Variants in PTPRN2 observed in about 807,000 individuals in gnomAD.
The protein encoded by PTPRN2 is receptor-type tyrosine-protein phosphatase N2.
In PTPRN2, 74 loss-of-function variants were observed where a neutral mutation model predicts 118.8. That is an observed-to-expected ratio of 0.62 (90% CI 0.52 to 0.76). The LOEUF is 0.76. PTPRN2 is among the 30% of genes least tolerant of loss of function. The probability of loss-of-function intolerance (pLI) is 0.00; values close to 1 mark genes in which losing one functional copy is unlikely to be tolerated. For synonymous variants in PTPRN2, 641 were observed against 608.0 expected (o/e 1.05, Z -0.80); for missense variants, 1,481 against 1,394.4 (o/e 1.06, Z -0.99).
intron 12 of PTPRN2, chr7:157,862,629 T>C (rs897798918): frequency 1.2e-4 from 18 of 152,296 alleles, no homozygotes; most frequent in African/African-American, 4.1e-4. Context: ...GGTGCAGGCT[T>C]GGCTGGTCAA....
chr7:158,275,620 A>C (rs1430869899), intron 3 of PTPRN2, among the ~76,000 whole-genome samples: 3 of 152,248 alleles, frequency 2.0e-5, no homozygotes, highest in Non-Finnish European at 4.4e-5. Context: ...CACCACCATT[A>C]ATAATTTAAA....
chr7:158,019,350 T>G (rs900014760), intron 11 of PTPRN2, among the ~76,000 whole-genome samples: 1 of 152,254 alleles, frequency 6.6e-6, no homozygotes, highest in African/African-American at 2.4e-5. Context: ...AAATAGCACA[T>G]GGATAGGACA....
intron 9 of PTPRN2, among the ~76,000 whole-genome samples, chr7:158,131,383 C>T (rs1563480053): frequency 1.4e-4 from 3 of 22,064 alleles, no homozygotes; most frequent in African/African-American, 3.0e-4. Flanking sequence ...CACACACACT[C>T]ATACACACAC....
chr7:157,916,868 A>G (rs13223254), intron 11 of PTPRN2, among the ~76,000 whole-genome samples: 26 of 86,534 alleles, frequency 3.0e-4, no homozygotes, highest in South Asian at 1.6e-3. Flanking sequence ...TCCAACACAC[A>G]TCTCCCTCCC....
intron 2 of PTPRN2, among the ~76,000 whole-genome samples, chr7:158,333,852 AC>A (rs1805014566): frequency 8.2e-6 from 1 of 121,492 alleles, no homozygotes; most frequent in Non-Finnish European, 1.7e-5. Context: ...TAGAGCTGAC[AC>A]CCGCAGACGT....
intron 1 of PTPRN2, among the ~76,000 whole-genome samples, chr7:158,551,551 G>A (rs985412915): frequency 1.9e-4 from 26 of 138,414 alleles, no homozygotes; most frequent in African/African-American, 7.0e-4. Flanking sequence ...ATGCATTTGG[G>A]GGCCCCAGCT....
In PTPRN2 at chr7:158,169,417, AGTGTGTGTGTGTGT is replaced by A. The variant is rs375257745; in HGVS notation, c.550-2140_550-2127del. Among the ~76,000 whole-genome samples the A allele has an allele frequency of 4.6e-3, 622 of 136,630 alleles. 2 individuals carry two copies. The highest frequency in any genetic ancestry group is 7.3e-3 in the Non-Finnish European group (467 of 64,322). 89.6% of individuals were successfully genotyped at this position (136,630 alleles called of 152,430 possible). ...ACCACCATACCTGGCTGCTTTTGTG[AGTGTGTGTGTGTGT>A]GTGTGTGTGTGTGTGTGTGTGTGTG... is the stretch of plus-strand genomic sequence containing the variant. On this transcript the variant is annotated intron_variant, in intron 5 of 22. Transcript: ENST00000389418.
At chr7:158,443,423 G>A (rs998979853) in intron 2 of PTPRN2, among the ~76,000 whole-genome samples, 8 of 152,256 alleles carry the variant, frequency 5.3e-5, no homozygotes, top group Non-Finnish European at 8.8e-5. Context: ...GAGAACTGAC[G>A]AGACTGTTTC....
intron 6 of PTPRN2, among the ~76,000 whole-genome samples, chr7:158,142,654 GC>G (rs1441458827): frequency 6.6e-6 from 1 of 152,124 alleles, no homozygotes; most frequent in East Asian, 1.9e-4. Context: ...CCACACATCA[GC>G]CCTCACCATG....
chr7:157,987,376 G>T lies in PTPRN2; in HGVS notation c.1724-88639C>A, dbSNP rs994962950. On this transcript the variant is annotated intron_variant, in intron 11 of 22. Coordinates refer to ENST00000389418, the MANE Select transcript of PTPRN2 (RefSeq NM_002847.5). This position sits in a 1 kb window ranked among gnomAD's most constrained non-coding sequence, Gnocchi z 4.3. ...AGTCACTAGTGGGGGTGAGACAACC[G>T]GTCACTAACGGGGGCAATATGACCC... is the stretch of plus-strand genomic sequence containing the variant. Among the ~76,000 whole-genome samples, 1 of 151,472 alleles carries T rather than the reference G, an allele frequency of 6.6e-6. No individual in the cohort carries two copies. The highest frequency in any genetic ancestry group is 6.6e-5 in the Admixed American group (1 of 15,200).
intron 9 of PTPRN2, among the ~76,000 whole-genome samples, chr7:158,123,541 C>T (rs149531785): frequency 3.9e-5 from 6 of 152,254 alleles, no homozygotes; most frequent in East Asian, 1.9e-4. Context: ...CTTCCTCCTG[C>T]GGACCGCCAT....
intron 11 of PTPRN2, among the ~76,000 whole-genome samples, chr7:157,935,227 T>C (rs920096424): frequency 2.0e-5 from 3 of 152,224 alleles, no homozygotes; most frequent in African/African-American, 4.8e-5. Flanking sequence ...TTAATTCTTC[T>C]TTTTTTGTGT....
chr7:158,045,885 G>A (rs1319338043), intron 11 of PTPRN2, among the ~76,000 whole-genome samples: 3 of 146,982 alleles, frequency 2.0e-5, no homozygotes, highest in Non-Finnish European at 3.0e-5. Context: ...GTTCTGTCCA[G>A]GAGCAGAACC....
chr7:158,368,937 G>A (rs1809742090), intron 2 of PTPRN2, among the ~76,000 whole-genome samples: 1 of 152,206 alleles, frequency 6.6e-6, no homozygotes, highest in African/African-American at 2.4e-5. Flanking sequence ...TCCTGGGTGT[G>A]TCTGTGAGGG....
At position 158,183,851 on chromosome 7, in the gene PTPRN2, G is replaced by A. The variant is rs376741207; in HGVS notation, c.549+8476C>T. On this transcript the variant is annotated intron_variant, in intron 5 of 22. Coordinates refer to ENST00000389418, the MANE Select transcript of PTPRN2 (RefSeq NM_002847.5). ...CTTTTAGTTTTCCTGTCAAGTTCTG[G>A]TGTCGCTTCTTGGAAAAAAGTTCAC... 1.5e-4 allele frequency among the ~76,000 whole-genome samples: 23 copies of A among 152,152 alleles called. 1 individual carries two copies. The East Asian group carries it at 3.5e-3, about 23-fold the overall frequency.
intron 12 of PTPRN2, among the ~76,000 whole-genome samples, chr7:157,750,165 C>G (rs1373847867): frequency 6.6e-6 from 1 of 152,058 alleles, no homozygotes; most frequent in Non-Finnish European, 1.5e-5. Flanking sequence ...GTGTATTTTA[C>G]TGGTTGGTTG....
chr7:158,561,559 T>C (rs1342364044), intron 1 of PTPRN2, among the ~76,000 whole-genome samples: 3 of 152,268 alleles, frequency 2.0e-5, no homozygotes, highest in African/African-American at 7.2e-5. Context: ...TGATAATTCA[T>C]TGGCTTCTGC....
intron 12 of PTPRN2, among the ~76,000 whole-genome samples, chr7:157,722,357 G>T (rs1035950226): frequency 3.9e-5 from 6 of 152,244 alleles, no homozygotes; most frequent in Admixed American, 1.3e-4. Context: ...GGTCTCTCAG[G>T]GGGGGTCCTG....
chr7:157,879,365 G>T lies in PTPRN2; in HGVS notation c.1788+19308C>A, dbSNP rs113435968. On this transcript the variant is annotated intron_variant, in intron 12 of 22. Transcript: ENST00000389418. Reference sequence around the variant, plus strand: ...CCAACACGCACACCCAAACACACACGCATGCACGTGCATGTGCACACACAC... The same window carrying T: ...CCAACACGCACACCCAAACACACACTCATGCACGTGCATGTGCACACACAC... Among the ~76,000 whole-genome samples the T allele has an allele frequency of 7.2e-5, 11 of 152,142 alleles. 1 individual carries two copies. Among genetic ancestry groups the T allele is most frequent in the African/African-American group, 2.7e-4 (11 of 41,416 alleles).
Sources: allele counts gnomAD v4.1 joint callset (sites outside exome capture counted in the v4.1 genomes callset), GRCh38; gene constraint gnomAD v4.1.1; non-coding constraint Gnocchi (gnomAD v3.1); transcripts MANE v1.5; gene names NCBI Gene and HGNC (gene_info 2026-07-23, HGNC 2026-07-21).